The following CDIN1 variants were observed in gnomAD, a reference collection of about 807,000 sequenced individuals.
CDIN1 encodes CDAN1 interacting nuclease 1.
A neutral mutation model predicts 45.3 loss-of-function variants in CDIN1; 33 were observed. The observed-to-expected ratio is 0.73, with a 90% CI of 0.55 to 0.97. CDIN1 has a LOEUF of 0.97. Ranked by LOEUF, CDIN1 falls within the 50% of genes least tolerant of loss-of-function variation. The probability of loss-of-function intolerance (pLI) is 0.00; values close to 1 mark genes in which losing one functional copy is unlikely to be tolerated. For synonymous variants in CDIN1, 118 were observed against 124.4 expected, an observed-to-expected ratio of 0.95 and a Z score of 0.34; for missense variants, 303 against 339.4, an observed-to-expected ratio of 0.89 and a Z score of 0.84.
At chr15:36,610,244 A>T (rs749977262) in intron 1 of CDIN1, among the ~76,000 whole-genome samples, 4 of 152,254 alleles carry the variant, frequency 2.6e-5, no homozygotes, top group Non-Finnish European at 5.9e-5. Flanking sequence ...TGACTAAAGC[A>T]AGGGGCATGT....
intron 1 of CDIN1, among the ~76,000 whole-genome samples, chr15:36,621,812 A>T (rs143065471): frequency 6.6e-6 from 1 of 151,752 alleles, no homozygotes; most frequent in Non-Finnish European, 1.5e-5. Context: ...GAAGGGCAGT[A>T]TCTGACTTAA....
chr15:36,780,152 A>G (rs1233498124), intron 10 of CDIN1, among the ~76,000 whole-genome samples: 2 of 152,160 alleles, frequency 1.3e-5, no homozygotes, highest in African/African-American at 4.8e-5. Context: ...ACCTGAGACT[A>G]TTTAGATATT....
chr15:36,797,664 G>GTACAACTTGGA (rs376144523), intron 10 of CDIN1, among the ~76,000 whole-genome samples: 16,333 of 152,004 alleles, frequency 0.11, 1,097 homozygotes, highest in African/African-American at 0.19. Context: ...TATTTTTAAG[G>GTACAACTTGGA]CTCATTTTCT....
At chr15:36,731,512 A>G (rs773045603) in intron 10 of CDIN1, among the ~76,000 whole-genome samples, 1 of 152,146 alleles carries the variant, frequency 6.6e-6, no homozygotes, top group Non-Finnish European at 1.5e-5. Flanking sequence ...AGCCAGTCTT[A>G]TATATGCTAA....
intron 5 of CDIN1, among the ~76,000 whole-genome samples, chr15:36,690,030 T>G (rs1016613724): frequency 6.6e-6 from 1 of 152,214 alleles, no homozygotes; most frequent in African/African-American, 2.4e-5. Context: ...GAGATAGGGC[T>G]GGATAGGATA....
chr15:36,707,597 A>C (rs886987928), intron 8 of CDIN1: 2 of 152,130 alleles, frequency 1.3e-5, no homozygotes, highest in Non-Finnish European at 2.9e-5. Context: ...TTTGTTTTGC[A>C]CTGTTATCAG....
chr15:36,603,560 A>G (rs1174114572), intron 1 of CDIN1, among the ~76,000 whole-genome samples: 1 of 152,108 alleles, frequency 6.6e-6, no homozygotes, highest in Non-Finnish European at 1.5e-5. Context: ...TTAGGCCTCT[A>G]TTTGGGATAG....
chr15:36,587,618 C>T (rs1441778956), intron 1 of CDIN1, among the ~76,000 whole-genome samples: 2 of 152,022 alleles, frequency 1.3e-5, no homozygotes, highest in Admixed American at 1.3e-4. Context: ...TTATGGTTGT[C>T]TTTTTTGAAC....
intron 5 of CDIN1, among the ~76,000 whole-genome samples, chr15:36,685,549 A>C (rs547342329): frequency 6.6e-6 from 1 of 152,204 alleles, no homozygotes; most frequent in Admixed American, 6.6e-5. Flanking sequence ...AAAACACAAA[A>C]TTGACAAATG....
intron 10 of CDIN1, among the ~76,000 whole-genome samples, chr15:36,800,582 G>A (rs1486893317): frequency 2.0e-5 from 3 of 152,022 alleles, no homozygotes; most frequent in Non-Finnish European, 4.4e-5. Flanking sequence ...ATTAACAAGT[G>A]CATAACCAAT....
chr15:36,650,575 TGGGACTACA>T (rs1158342767), intron 3 of CDIN1, among the ~76,000 whole-genome samples: 6 of 151,954 alleles, frequency 3.9e-5, no homozygotes, highest in Admixed American at 3.9e-4. Flanking sequence ...CCTGAGTAGT[TGGGACTACA>T]GGCACGCGCC....
At chr15:36,690,404 G>T (rs2042204209) in intron 5 of CDIN1, among the ~76,000 whole-genome samples, 1 of 151,688 alleles carries the variant, frequency 6.6e-6, no homozygotes, top group Non-Finnish European at 1.5e-5. Flanking sequence ...GAGTAGCTGG[G>T]ACTACAGGCG....
intron 7 of CDIN1, among the ~76,000 whole-genome samples, chr15:36,692,739 T>G (rs1481175664): frequency 6.6e-6 from 1 of 152,168 alleles, no homozygotes; most frequent in Non-Finnish European, 1.5e-5. Context: ...TGGAATACAT[T>G]TAAGGTTGTG....
At chr15:36,742,492 C>T (rs572143298) in intron 10 of CDIN1, among the ~76,000 whole-genome samples, 1 of 152,260 alleles carries the variant, frequency 6.6e-6, no homozygotes, top group Admixed American at 6.5e-5. Flanking sequence ...AAAAATCAAA[C>T]AGAATCTCAA....
chr15:36,621,406 C>A (rs1349370497), intron 1 of CDIN1, among the ~76,000 whole-genome samples: 3 of 152,138 alleles, frequency 2.0e-5, no homozygotes, highest in Admixed American at 6.5e-5. Context: ...ATTTCTTTGA[C>A]TTATTGTTAG....
chr15:36,621,872 G>GTTTTTTTTTTTTT (rs553981750), intron 1 of CDIN1, among the ~76,000 whole-genome samples: 2 of 142,388 alleles, frequency 1.4e-5, no homozygotes, highest in African/African-American at 2.6e-5. Flanking sequence ...AACAAGTTCA[G>GTTTTTTTTTTTTT]TTTTTTTTTT....
intron 1 of CDIN1, among the ~76,000 whole-genome samples, chr15:36,609,788 G>A (rs534470824): frequency 1.3e-5 from 2 of 152,334 alleles, no homozygotes; most frequent in South Asian, 2.1e-4. Context: ...CTGTCTTGGA[G>A]CTCCAGTTTG....
intron 5 of CDIN1, among the ~76,000 whole-genome samples, chr15:36,681,553 T>A (rs1405269840): frequency 6.6e-6 from 1 of 152,112 alleles, no homozygotes; most frequent in East Asian, 1.9e-4. Context: ...CTTAGCTTCA[T>A]GAAACAACTA....
intron 5 of CDIN1, among the ~76,000 whole-genome samples, chr15:36,672,060 T>C (rs1010604571): frequency 6.6e-6 from 1 of 152,142 alleles, no homozygotes; most frequent in Non-Finnish European, 1.5e-5. Context: ...AGGCAGAATT[T>C]TGAAACATTC....
Sources: gnomAD v4.1 joint callset for allele counts (sites outside exome capture counted in the v4.1 genomes callset) on GRCh38, gnomAD v4.1.1 for gene constraint, MANE v1.5 for transcripts, NCBI Gene and HGNC (gene_info 2026-07-23, HGNC 2026-07-21) for gene names.